CDH8: variants seen among roughly 807,000 people sequenced by gnomAD.
The protein encoded by CDH8 is cadherin 8, also known as cadherin-8.
In CDH8, 17 loss-of-function variants were observed where a neutral mutation model predicts 68.1. That is an observed-to-expected ratio of 0.25 (90% CI 0.17 to 0.37). CDH8 has a LOEUF of 0.37. CDH8 is among the 10% of genes least tolerant of loss of function. The probability of loss-of-function intolerance (pLI) is 1.00; values close to 1 mark genes in which losing one functional copy is unlikely to be tolerated. For missense variants in CDH8, 763 were observed against 999.3 expected (o/e 0.76, Z 3.19); for synonymous variants, 372 against 365.1 (o/e 1.02, Z -0.21).
chr16:61,880,696 C>G (rs571415909), intron 3 of CDH8, among the ~76,000 whole-genome samples: 1 of 152,262 alleles, frequency 6.6e-6, no homozygotes, highest in Non-Finnish European at 1.5e-5. Flanking sequence ...ATGCCATGTT[C>G]AAAACCATGT....
At chr16:61,691,557 C>G (rs535525306) in intron 10 of CDH8, among the ~76,000 whole-genome samples, 2 of 151,416 alleles carry the variant, frequency 1.3e-5, no homozygotes, top group South Asian at 4.2e-4. Flanking sequence ...GGACTTTAGA[C>G]AAGCAAATCA....
intron 8 of CDH8, among the ~76,000 whole-genome samples, chr16:61,745,438 T>C (rs1383190309): frequency 6.6e-6 from 1 of 152,060 alleles, no homozygotes; most frequent in Non-Finnish European, 1.5e-5. Flanking sequence ...TTTCTTCAAA[T>C]ATTGCATCTT....
intron 4 of CDH8, among the ~76,000 whole-genome samples, chr16:61,848,904 A>G (rs954360732): frequency 3.3e-5 from 5 of 152,082 alleles, no homozygotes; most frequent in Non-Finnish European, 5.9e-5. Flanking sequence ...ATTGTAAACT[A>G]TATGTAGAGT....
intron 3 of CDH8, among the ~76,000 whole-genome samples, chr16:61,897,249 G>A (rs968402373): frequency 2.6e-5 from 4 of 151,810 alleles, no homozygotes; most frequent in East Asian, 1.9e-4. Flanking sequence ...ACTTCATTAC[G>A]TAGCTGATAA....
chr16:61,952,816 C>G (rs533336441), intron 2 of CDH8, among the ~76,000 whole-genome samples: 6 of 151,864 alleles, frequency 4.0e-5, no homozygotes, highest in Non-Finnish European at 5.9e-5. Context: ...CAAATTATAT[C>G]CCCTCTATGA....
At chr16:61,868,053 G>A (rs1221494591) in intron 3 of CDH8, among the ~76,000 whole-genome samples, 1 of 152,072 alleles carries the variant, frequency 6.6e-6, no homozygotes, top group African/African-American at 2.4e-5. Context: ...TACAAGTGCT[G>A]AGAACTATAC....
Position 61,775,594 on chromosome 16 carries a change from G to A in CDH8, c.1414+13752C>T, listed in dbSNP as rs536930032. 1.1e-4 allele frequency among the ~76,000 whole-genome samples: 16 copies of A among 152,192 alleles called. No homozygotes were observed. In the East Asian group the frequency reaches 3.1e-3, roughly 30 times the overall value. On this transcript the variant is annotated intron_variant, in intron 8 of 11. Coordinates refer to ENST00000577390, the MANE Select transcript of CDH8 (RefSeq NM_001796.5). ...GGATGCAAATAAAGGCTTGTAAAGTGCTTGCTCACCGGGGCTTCCTGTTGC... is the reference window on the plus strand; with the variant it reads ...GGATGCAAATAAAGGCTTGTAAAGTACTTGCTCACCGGGGCTTCCTGTTGC...
At chr16:61,884,629 A>T (rs1202427027) in intron 3 of CDH8, among the ~76,000 whole-genome samples, 1 of 152,040 alleles carries the variant, frequency 6.6e-6, no homozygotes, top group Non-Finnish European at 1.5e-5. Flanking sequence ...CCGCCTCAGC[A>T]TCCCAAAGTG....
chr16:62,003,895 AG>A (rs1965932996), intron 2 of CDH8, among the ~76,000 whole-genome samples: 1 of 152,188 alleles, frequency 6.6e-6, no homozygotes, highest in African/African-American at 2.4e-5. Flanking sequence ...TGCCTTCAGA[AG>A]GCAAAGCATT....
At chr16:61,808,949 G>A (rs979524428) in intron 7 of CDH8, among the ~76,000 whole-genome samples, 3 of 152,164 alleles carry the variant, frequency 2.0e-5, no homozygotes, top group African/African-American at 7.2e-5. Flanking sequence ...ACTTTGGGAG[G>A]CCAAGGCAGT....
chr16:61,719,193 G>A (rs1959199928), intron 9 of CDH8, among the ~76,000 whole-genome samples: 1 of 149,294 alleles, frequency 6.7e-6, no homozygotes. Context: ...TTCAGAGCAT[G>A]TAGCTTGCAG....
chr16:61,986,208 G>T (rs1965625055), intron 2 of CDH8, among the ~76,000 whole-genome samples: 2 of 152,106 alleles, frequency 1.3e-5, no homozygotes, highest in South Asian at 4.1e-4. Flanking sequence ...ACAGGCGTGA[G>T]CTACCACACC....
chr16:61,864,050 A>C, intron 3 of CDH8, among the ~76,000 whole-genome samples: 1 of 152,164 alleles, frequency 6.6e-6, no homozygotes, highest in South Asian at 2.1e-4. Flanking sequence ...TTGCCATGAC[A>C]ACCTTTTTTG....
At chr16:61,822,376 A>T (rs1203250392) in intron 5 of CDH8, among the ~76,000 whole-genome samples, 1 of 151,374 alleles carries the variant, frequency 6.6e-6, no homozygotes, top group African/African-American at 2.4e-5. Context: ...AAAAAACCAA[A>T]AAGTTTTACT....
At chr16:61,686,144 T>A (rs1421398647) in intron 10 of CDH8, among the ~76,000 whole-genome samples, 2 of 152,050 alleles carry the variant, frequency 1.3e-5, no homozygotes, top group African/African-American at 4.8e-5. Flanking sequence ...TATTTCTATG[T>A]CAGTGAATCT....
intron 2 of CDH8, among the ~76,000 whole-genome samples, chr16:61,943,959 C>G (rs1964762629): frequency 1.3e-5 from 2 of 152,158 alleles, no homozygotes; most frequent in Non-Finnish European, 2.9e-5. Flanking sequence ...GAAGAAAACT[C>G]TCAAGTAGAC....
At chr16:61,842,664 G>C (rs1194435324) in intron 4 of CDH8, among the ~76,000 whole-genome samples, 1 of 152,112 alleles carries the variant, frequency 6.6e-6, no homozygotes, top group Non-Finnish European at 1.5e-5. Flanking sequence ...TAGAGGATTA[G>C]AGCTGACTTT....
chr16:61,836,028 C>T (rs1037975339), intron 4 of CDH8, among the ~76,000 whole-genome samples: 9 of 151,806 alleles, frequency 5.9e-5, no homozygotes, highest in South Asian at 2.1e-4. Context: ...AAATAGCACC[C>T]GACATAATTC....
At chr16:61,896,289 A>G (rs546074852) in intron 3 of CDH8, among the ~76,000 whole-genome samples, 9 of 152,370 alleles carry the variant, frequency 5.9e-5, no homozygotes, top group East Asian at 5.8e-4. Flanking sequence ...TTTGGCTGCC[A>G]TTTGGGCAAA....
Sources: gnomAD v4.1 joint callset for allele counts (sites outside exome capture counted in the v4.1 genomes callset) on GRCh38, gnomAD v4.1.1 for gene constraint, MANE v1.5 for transcripts, NCBI Gene and HGNC (gene_info 2026-07-23, HGNC 2026-07-21) for gene names.